The following CLUL1 variants were observed in gnomAD, a reference collection of about 807,000 sequenced individuals.
CLUL1 encodes the protein clusterin like 1, also known as clusterin-like protein 1.
CLUL1 carries 43 observed loss-of-function variants against 49.4 expected under a neutral mutation model. The ratio of observed to expected loss-of-function variants is 0.87; its 90% CI spans 0.68 to 1.12. CLUL1 has a LOEUF of 1.12. Ranked by LOEUF, CLUL1 falls within the 50% of genes most tolerant of loss-of-function variation. The pLI, the probability that CLUL1 is intolerant of heterozygous loss-of-function variation, is 0.00. For synonymous variants in CLUL1, 192 were observed against 184.9 expected, an observed-to-expected ratio of 1.04 and a Z score of -0.31; for missense variants, 486 against 544.4, an observed-to-expected ratio of 0.89 and a Z score of 1.07.
At chr18:597,781 C>T (rs527370585) in intron 1 of CLUL1, 66 of 152,258 alleles carry the variant, frequency 4.3e-4, no homozygotes, top group African/African-American at 1.6e-3. Flanking sequence ...TATCAATGCT[C>T]ATACAGTTTA....
At chr18:613,690 G>T (rs1338233341) in intron 2 of CLUL1, among the ~76,000 whole-genome samples, 1 of 151,962 alleles carries the variant, frequency 6.6e-6, no homozygotes, top group Non-Finnish European at 1.5e-5. Flanking sequence ...CCTGACCCAA[G>T]TGATGTGTCT....
chr18:637,008 A>G (rs1598439725), intron 7 of CLUL1, among the ~76,000 whole-genome samples: 1 of 139,364 alleles, frequency 7.2e-6, no homozygotes, highest in Admixed American at 7.1e-5. Context: ...TTTTTTTGAG[A>G]CGGAGTCTTG....
chr18:626,721 C>T (rs1424850836), intron 5 of CLUL1, among the ~76,000 whole-genome samples: 1 of 149,940 alleles, frequency 6.7e-6, no homozygotes, highest in Admixed American at 6.8e-5. Context: ...ATTAGCCAGG[C>T]ATGGCGGTGT....
Position 629,794 on chromosome 18 carries a change from C to T in CLUL1, c.856+2265C>T, listed in dbSNP as rs115799191. Among the ~76,000 whole-genome samples, 879 of 152,324 alleles carry T rather than the reference C, an allele frequency of 5.8e-3. 6 individuals carry two copies. The highest frequency in any genetic ancestry group is 0.02 in the African/African-American group (821 of 41,576). ...TAGCCAGACAGTACACAGAAGCTAC[C>T]GCAGAGGAGACACTGTCTTCCCAGA... On this transcript the variant is annotated intron_variant, in intron 6 of 9. Coordinates refer to ENST00000692774, the MANE Select transcript of CLUL1 (RefSeq NM_001393344.1).
chr18:626,269 C>G (rs923762210), intron 5 of CLUL1, among the ~76,000 whole-genome samples: 1 of 152,046 alleles, frequency 6.6e-6, no homozygotes, highest in Admixed American at 6.6e-5. Context: ...CCCACCACCA[C>G]GCCTAGCTAA....
intron 7 of CLUL1, among the ~76,000 whole-genome samples, chr18:638,908 C>T (rs1233717134): frequency 6.6e-6 from 1 of 151,680 alleles, no homozygotes; most frequent in Non-Finnish European, 1.5e-5. Context: ...AGAACATTAC[C>T]AAAACAGATA....
chr18:608,866 A>G (rs182572965), intron 2 of CLUL1, among the ~76,000 whole-genome samples: 1 of 152,374 alleles, frequency 6.6e-6, no homozygotes, highest in East Asian at 1.9e-4. Context: ...TTTATAAGAC[A>G]TGCATATAAT....
chr18:611,272 C>T (rs1396953265), intron 2 of CLUL1, among the ~76,000 whole-genome samples: 1 of 145,348 alleles, frequency 6.9e-6, no homozygotes, highest in Non-Finnish European at 1.5e-5. Context: ...GATTGCCTCT[C>T]ATAGCATAAT....
intron 7 of CLUL1, among the ~76,000 whole-genome samples, chr18:639,525 G>A (rs1192765327): frequency 6.6e-6 from 1 of 151,882 alleles, no homozygotes; most frequent in Admixed American, 6.6e-5. Flanking sequence ...CAGCACTTTG[G>A]GAGGCCAAGG....
intron 2 of CLUL1, among the ~76,000 whole-genome samples, chr18:614,160 A>G (rs952866696): frequency 1.6e-4 from 25 of 152,218 alleles, no homozygotes; most frequent in African/African-American, 5.5e-4. Flanking sequence ...CAAGTGAGTT[A>G]GCCAACCTTT....
chr18:636,624 C>CTTT lies in CLUL1; in HGVS notation c.994+3206_994+3208dup, dbSNP rs68150473. Among the ~76,000 whole-genome samples, 446 of 122,044 alleles carry CTTT rather than the reference C, an allele frequency of 3.7e-3. 12 individuals are homozygous for CTTT. Among genetic ancestry groups the CTTT allele is most frequent in the South Asian group, 6.1e-3 (23 of 3,790 alleles). The allele number at this position is 122,044 out of a possible 152,430, so 80.1% of individuals were successfully genotyped here. On this transcript the variant is annotated intron_variant, in intron 7 of 9. Transcript: ENST00000692774. Reference sequence around the variant, plus strand: ...AGAGTCGACAACACTCCCTTTCTCTCTTTTTTTTTTTTTTTTTTTGTGCCA... The same window carrying CTTT: ...AGAGTCGACAACACTCCCTTTCTCTCTTTTTTTTTTTTTTTTTTTTTTGTGCCA...
At chr18:604,319 T>C (rs1390554520) in intron 1 of CLUL1, among the ~76,000 whole-genome samples, 1 of 152,232 alleles carries the variant, frequency 6.6e-6, no homozygotes, top group Non-Finnish European at 1.5e-5. Flanking sequence ...GAAGGACATT[T>C]GGGTGGCTTC....
chr18:620,182 C>T lies in CLUL1; in HGVS notation c.255+821C>T, dbSNP rs545629909. Among the ~76,000 whole-genome samples the T allele has an allele frequency of 5.9e-5, 9 of 152,238 alleles. No individual in the cohort carries two copies. The East Asian group carries it at 1.5e-3, about 26-fold the overall frequency. ...ATCATTAGCGAGTGTGGATATAAGT[C>T]CACATTTCAAATAATCTTCTAGATA... On this transcript the variant is annotated intron_variant, in intron 4 of 9. Coordinates refer to ENST00000692774, the MANE Select transcript of CLUL1 (RefSeq NM_001393344.1).
chr18:646,497 GACACACACACACAC>G (rs56076402), intron 9 of CLUL1, among the ~76,000 whole-genome samples: 25 of 141,366 alleles, frequency 1.8e-4, no homozygotes, highest in South Asian at 7.0e-4. Flanking sequence ...CAGATAGATA[GACACACACACACAC>G]ACACACACAC....
chr18:598,515 G>A, intron 1 of CLUL1: 6 of 398,578 alleles, frequency 1.5e-5, no homozygotes, highest in Non-Finnish European at 2.7e-5. Context: ...ATCAGCTAAT[G>A]AGACAATGAA....
Position 639,366 on chromosome 18 carries a change from G to A in CLUL1, c.995-1961G>A, listed in dbSNP as rs546912365. 4.0e-5 allele frequency among the ~76,000 whole-genome samples: 6 copies of A among 148,816 alleles called. No individual in the cohort carries two copies. The South Asian group carries it at 1.3e-3, about 32-fold the overall frequency. On this transcript the variant is annotated intron_variant, in intron 7 of 9. Coordinates refer to ENST00000692774, the MANE Select transcript of CLUL1 (RefSeq NM_001393344.1). ...GAATTGTTTGAACCCAGGAGGCAGA[G>A]GTTGCAGTGAGCCGAGATCGCACCA...
At chr18:598,678 A>G (rs1036720805) in intron 1 of CLUL1, 4 of 397,330 alleles carry the variant, frequency 1.0e-5, no homozygotes, top group Non-Finnish European at 1.8e-5. Flanking sequence ...GCTGGTCCAG[A>G]TTTTCCATGG....
In CLUL1 at chr18:626,962, GGA is replaced by G. The variant is rs2073795562; in HGVS notation, c.424-134_424-133del. The stretch of plus-strand genomic sequence containing the variant: ...AGGAAAGAAGGAAGGAAGGAAGGAA[GGA>G]AGGAAGGAAGGAAGGAAGGAAGGAA... On this transcript the variant is annotated intron_variant, in intron 5 of 9. Transcript: ENST00000692774. 1.8e-4 allele frequency: 2 copies of G among 10,894 alleles called. 1 individual carries two copies. The highest frequency in any genetic ancestry group is 3.5e-4 in the Non-Finnish European group (2 of 5,760). The allele number at this position is 10,894 out of a possible 1,614,324, so 0.7% of individuals were successfully genotyped here. A position where few individuals can be genotyped will look rare whatever the true frequency, so the allele number is the denominator to read the frequency against.
intron 2 of CLUL1, among the ~76,000 whole-genome samples, chr18:610,426 A>C (rs2073099594): frequency 6.6e-6 from 1 of 151,712 alleles, no homozygotes. Flanking sequence ...ATCTGGTGAC[A>C]GGGAGATATG....
Sources: allele counts gnomAD v4.1 joint callset (sites outside exome capture counted in the v4.1 genomes callset), GRCh38; gene constraint gnomAD v4.1.1; transcripts MANE v1.5; gene names NCBI Gene and HGNC (gene_info 2026-07-23, HGNC 2026-07-21).